Variants in NKAIN2 observed in about 807,000 individuals in gnomAD.
The protein encoded by NKAIN2 is sodium/potassium-transporting ATPase subunit beta-1-interacting protein 2.
In NKAIN2, 14 loss-of-function variants were observed where a neutral mutation model predicts 32.6. That is an observed-to-expected ratio of 0.43 (90% CI 0.28 to 0.67). NKAIN2 has a LOEUF of 0.67. Among genes scored for constraint, NKAIN2 ranks in the 30% least tolerant of loss-of-function variants. NKAIN2 has a pLI of 0.17. For synonymous variants in NKAIN2, 80 were observed against 87.2 expected (o/e 0.92, Z 0.46); for missense variants, 198 against 258.3 (o/e 0.77, Z 1.60).
chr6:124,188,096 C>A (rs959823303), intron 1 of NKAIN2, among the ~76,000 whole-genome samples: 5 of 152,082 alleles, frequency 3.3e-5, no homozygotes, highest in African/African-American at 1.2e-4. Flanking sequence ...ATAAGCTTTT[C>A]AGAAGATGAA....
intron 3 of NKAIN2, among the ~76,000 whole-genome samples, chr6:124,526,806 C>T (rs1779332105): frequency 6.6e-6 from 1 of 152,040 alleles, no homozygotes; most frequent in East Asian, 1.9e-4. Context: ...ATTTTTTTTA[C>T]ATCACTATCA....
intron 1 of NKAIN2, among the ~76,000 whole-genome samples, chr6:123,947,982 T>C (rs570875485): frequency 6.6e-6 from 1 of 152,248 alleles, no homozygotes; most frequent in South Asian, 2.1e-4. Context: ...ATCAACTTTT[T>C]TTAGATTCCA....
chr6:124,078,960 C>T (rs1376263954), intron 1 of NKAIN2, among the ~76,000 whole-genome samples: 1 of 152,056 alleles, frequency 6.6e-6, no homozygotes, highest in Non-Finnish European at 1.5e-5. Context: ...TATTTTTCTT[C>T]TTCCTCTTAC....
intron 3 of NKAIN2, among the ~76,000 whole-genome samples, chr6:124,526,346 C>A (rs1779312207): frequency 6.6e-6 from 1 of 152,026 alleles, no homozygotes; most frequent in South Asian, 2.1e-4. Context: ...AAAAGCCTTC[C>A]ACATAGCAAC....
chr6:124,002,559 A>G (rs1363067205), intron 1 of NKAIN2, among the ~76,000 whole-genome samples: 1 of 151,970 alleles, frequency 6.6e-6, no homozygotes, highest in African/African-American at 2.4e-5. Flanking sequence ...TTATCACCAA[A>G]TGAGTCATTC....
chr6:124,029,864 T>C (rs1781328468), intron 1 of NKAIN2, among the ~76,000 whole-genome samples: 2 of 152,094 alleles, frequency 1.3e-5, no homozygotes, highest in Non-Finnish European at 2.9e-5. Flanking sequence ...TAGATTCTCA[T>C]AGGACTGAGA....
chr6:124,138,965 G>A (rs1259598527), intron 1 of NKAIN2, among the ~76,000 whole-genome samples: 1 of 151,072 alleles, frequency 6.6e-6, no homozygotes, highest in Admixed American at 6.6e-5. Flanking sequence ...CTACATATTG[G>A]GTACAATGTA....
At chr6:123,871,640 A>ATGTC (rs1421157557) in intron 1 of NKAIN2, among the ~76,000 whole-genome samples, 1 of 152,146 alleles carries the variant, frequency 6.6e-6, no homozygotes, top group Non-Finnish European at 1.5e-5. Flanking sequence ...TCACATCTGA[A>ATGTC]TGTCTGTTCC....
rs1463541818 is a variant in NKAIN2, at chr6:124,114,919, A to AGACAG, written c.55-168086_55-168085insGACAG. 1.6e-3 allele frequency among the ~76,000 whole-genome samples: 251 copies of AGACAG among 152,290 alleles called. 1 individual carries two copies. The highest frequency in any genetic ancestry group is 5.8e-3 in the African/African-American group (241 of 41,584). ...GAATGATGATTGAGACAGTGGCTCT[A>AGACAG]TTAGGCTGAAGGACAAGATCACAGG... is the stretch of plus-strand genomic sequence containing the variant. On this transcript the variant is annotated intron_variant, in intron 1 of 6. Coordinates refer to ENST00000368417, the MANE Select transcript of NKAIN2 (RefSeq NM_001040214.3).
intron 1 of NKAIN2, among the ~76,000 whole-genome samples, chr6:124,194,862 AG>A (rs1790237638): frequency 6.6e-6 from 1 of 152,154 alleles, no homozygotes; most frequent in Non-Finnish European, 1.5e-5. Context: ...AAAGGATAAA[AG>A]GCAAGAATTC....
At chr6:124,391,639 G>A (rs554414741) in intron 3 of NKAIN2, among the ~76,000 whole-genome samples, 8 of 152,068 alleles carry the variant, frequency 5.3e-5, no homozygotes, top group Non-Finnish European at 1.0e-4. Flanking sequence ...TGACAACAGA[G>A]TCTAAGGTTA....
At chr6:124,575,653 C>G (rs974371029) in intron 3 of NKAIN2, among the ~76,000 whole-genome samples, 1 of 152,140 alleles carries the variant, frequency 6.6e-6, no homozygotes, top group Non-Finnish European at 1.5e-5. Context: ...TGCCTTCTAC[C>G]GGGGAATTGC....
At chr6:124,595,543 CA>C (rs1782052804) in intron 3 of NKAIN2, among the ~76,000 whole-genome samples, 1 of 152,134 alleles carries the variant, frequency 6.6e-6, no homozygotes, top group South Asian at 2.1e-4. Context: ...AAGTGATTAC[CA>C]AACCTGATTT....
intron 1 of NKAIN2, among the ~76,000 whole-genome samples, chr6:124,187,283 A>G (rs940349899): frequency 6.6e-6 from 1 of 152,172 alleles, no homozygotes; most frequent in Non-Finnish European, 1.5e-5. Context: ...TATGCCTACT[A>G]GTCATTCAAA....
At chr6:124,324,906 T>G (rs771825056) in intron 2 of NKAIN2, among the ~76,000 whole-genome samples, 1 of 152,246 alleles carries the variant, frequency 6.6e-6, no homozygotes, top group East Asian at 1.9e-4. Context: ...TTGGTCATAG[T>G]GTATTTAATA....
intron 4 of NKAIN2, among the ~76,000 whole-genome samples, chr6:124,726,000 G>A (rs369116306): frequency 3.6e-4 from 55 of 152,300 alleles, no homozygotes; most frequent in South Asian, 3.1e-3. Flanking sequence ...CTTTTCCGAC[G>A]GGCTTAAAAA....
intron 1 of NKAIN2, among the ~76,000 whole-genome samples, chr6:124,172,673 T>A (rs1007182209): frequency 6.6e-6 from 1 of 152,188 alleles, no homozygotes; most frequent in Non-Finnish European, 1.5e-5. Context: ...CTGTATAAAC[T>A]TATGGAATCA....
At chr6:124,323,076 T>A (rs909063460) in intron 2 of NKAIN2, among the ~76,000 whole-genome samples, 3 of 152,352 alleles carry the variant, frequency 2.0e-5, no homozygotes, top group African/African-American at 7.2e-5. Flanking sequence ...GCATATCCTC[T>A]TCAGTGAAAT....
intron 1 of NKAIN2, among the ~76,000 whole-genome samples, chr6:123,959,572 C>G (rs1417939682): frequency 6.6e-6 from 1 of 152,060 alleles, no homozygotes; most frequent in African/African-American, 2.4e-5. Context: ...TATTCATACC[C>G]TTTTGAAATG....
Sources: allele counts gnomAD v4.1 joint callset (sites outside exome capture counted in the v4.1 genomes callset), GRCh38; gene constraint gnomAD v4.1.1; transcripts MANE v1.5; gene names NCBI Gene and HGNC (gene_info 2026-07-23, HGNC 2026-07-21).